The following COX10 variants were observed in gnomAD, a reference collection of about 807,000 sequenced individuals.
COX10 encodes cytochrome c oxidase assembly factor heme A:farnesyltransferase COX10.
In COX10, 27 loss-of-function variants were observed where a neutral mutation model predicts 37.3. The ratio of observed to expected loss-of-function variants is 0.72; its 90% CI spans 0.53 to 1.00. COX10 has a LOEUF of 1.00. Among genes scored for constraint, COX10 ranks in the 50% least tolerant of loss-of-function variants. COX10 has a pLI of 0.00. For synonymous variants in COX10, 222 were observed against 229.1 expected (o/e 0.97, Z 0.28); for missense variants, 475 against 563.2 (o/e 0.84, Z 1.59).
chr17:14,178,455 C>T (rs916041416), intron 5 of COX10, among the ~76,000 whole-genome samples: 1 of 138,020 alleles, frequency 7.2e-6, no homozygotes, highest in Admixed American at 7.5e-5. Context: ...TCTCCCGGCA[C>T]CTCTGCCAGC....
rs532204640 is a variant in COX10, at chr17:14,207,780, G to T, written c.*567G>T. ...TACCAATAGCTAGGACCCGGCTGCTGTGCACTGGGACTGGGGATTCCACAT... is the reference window on the plus strand; with the variant it reads ...TACCAATAGCTAGGACCCGGCTGCTTTGCACTGGGACTGGGGATTCCACAT... On this transcript the variant is annotated 3_prime_UTR_variant, in exon 7 of 7. Transcript: ENST00000261643. The T allele has an allele frequency of 6.5e-6, 1 of 152,844 alleles. No individual in the cohort carries two copies. Among genetic ancestry groups the T allele is most frequent in the South Asian group, 2.1e-4 (1 of 4,840 alleles). The allele number at this position is 152,844 out of a possible 1,614,324, so 9.5% of individuals were successfully genotyped here.
At chr17:14,123,906 T>C (rs1916278973) in intron 4 of COX10, among the ~76,000 whole-genome samples, 1 of 151,380 alleles carries the variant, frequency 6.6e-6, no homozygotes, top group African/African-American at 2.4e-5. Context: ...TGTTGAGACA[T>C]AGACATTTTT....
chr17:14,131,153 G>C (rs1028794550), intron 4 of COX10, among the ~76,000 whole-genome samples: 1 of 152,076 alleles, frequency 6.6e-6, no homozygotes, highest in African/African-American at 2.4e-5. Flanking sequence ...CATCATAAAA[G>C]GGCAGCTTAT....
chr17:14,163,938 G>C (rs1905223636), intron 5 of COX10, among the ~76,000 whole-genome samples: 1 of 151,990 alleles, frequency 6.6e-6, no homozygotes, highest in African/African-American at 2.4e-5. Flanking sequence ...CAATTCTGGA[G>C]GTGTAGATGG....
chr17:14,168,842 G>A (rs1905369040), intron 5 of COX10, among the ~76,000 whole-genome samples: 1 of 152,178 alleles, frequency 6.6e-6, no homozygotes, highest in African/African-American at 2.4e-5. Context: ...GTGATGGGAG[G>A]GGCTGCAGCA....
At chr17:14,143,597 C>CAGCTATTA in intron 4 of COX10, among the ~76,000 whole-genome samples, 2 of 152,232 alleles carry the variant, frequency 1.3e-5, no homozygotes, top group South Asian at 4.2e-4. Flanking sequence ...ATTATCTCCT[C>CAGCTATTA]TCTGACCAAA....
At chr17:14,083,017 G>T (rs546937741) in intron 3 of COX10, among the ~76,000 whole-genome samples, 283 of 152,276 alleles carry the variant, frequency 1.9e-3, no homozygotes, top group African/African-American at 6.1e-3. Flanking sequence ...CAGCGGAGCC[G>T]GTCACTACCA....
chr17:14,179,233 T>A, intron 5 of COX10: 2 of 983,582 alleles, frequency 2.0e-6, no homozygotes, highest in Non-Finnish European at 2.4e-6. Flanking sequence ...ACACCGTTCA[T>A]CTACCATCTC....
At chr17:14,196,891 G>C (rs1386428147) in intron 6 of COX10, among the ~76,000 whole-genome samples, 2 of 152,162 alleles carry the variant, frequency 1.3e-5, no homozygotes, top group Admixed American at 1.3e-4. Context: ...GTTAACACCA[G>C]TGACCCTCCA....
intron 6 of COX10, among the ~76,000 whole-genome samples, chr17:14,201,951 A>G (rs775945517): frequency 6.6e-6 from 1 of 152,228 alleles, no homozygotes; most frequent in Non-Finnish European, 1.5e-5. Flanking sequence ...AAAGAAGTCT[A>G]CTTGCATCAC....
intron 4 of COX10, among the ~76,000 whole-genome samples, chr17:14,109,812 C>T (rs1046943004): frequency 6.6e-6 from 1 of 152,098 alleles, no homozygotes; most frequent in Non-Finnish European, 1.5e-5. Context: ...ATGTATCTAC[C>T]TCTAACGACA....
chr17:14,089,575 A>T (rs1456054520), intron 3 of COX10, among the ~76,000 whole-genome samples: 1 of 152,212 alleles, frequency 6.6e-6, no homozygotes, highest in East Asian at 1.9e-4. Flanking sequence ...GTGAACGTTG[A>T]AGAAGTTGAA....
rs190411116 is a variant in COX10, at chr17:14,115,366, A to G, written c.624+13124A>G. On this transcript the variant is annotated intron_variant, in intron 4 of 6. Coordinates refer to ENST00000261643, the MANE Select transcript of COX10 (RefSeq NM_001303.4). Reference sequence around the variant, plus strand: ...TCACCAGTCAGAGTGGCTATTATTAAAAAGACAAGAAATAACAGATGTTGG... The same window carrying G: ...TCACCAGTCAGAGTGGCTATTATTAGAAAGACAAGAAATAACAGATGTTGG... 3.8e-3 allele frequency among the ~76,000 whole-genome samples: 582 copies of G among 152,282 alleles called. 1 individual carries two copies. Among genetic ancestry groups the G allele is most frequent in the South Asian group, 7.1e-3 (34 of 4,822 alleles).
intron 4 of COX10, among the ~76,000 whole-genome samples, chr17:14,105,068 A>T (rs1567592179): frequency 6.6e-6 from 1 of 152,190 alleles, no homozygotes; most frequent in East Asian, 1.9e-4. Context: ...GAATTAACAA[A>T]TTTAAAAAGA....
chr17:14,156,990 G>A (rs1343815452), intron 4 of COX10, among the ~76,000 whole-genome samples: 1 of 152,182 alleles, frequency 6.6e-6, no homozygotes, highest in Non-Finnish European at 1.5e-5. Context: ...CGGCTCTGCT[G>A]CTGTGTAAAA....
intron 4 of COX10, among the ~76,000 whole-genome samples, chr17:14,103,084 AATCT>A (rs1915821397): frequency 6.6e-6 from 1 of 152,176 alleles, no homozygotes; most frequent in African/African-American, 2.4e-5. Context: ...GAGAAGGATC[AATCT>A]ATTTCAAATA....
intron 3 of COX10, among the ~76,000 whole-genome samples, chr17:14,088,534 G>A (rs1451654051): frequency 6.6e-6 from 1 of 151,998 alleles, no homozygotes; most frequent in Non-Finnish European, 1.5e-5. Flanking sequence ...GATTTTAATT[G>A]AACTGATTGT....
chr17:14,168,083 A>C (rs1446385593), intron 5 of COX10, among the ~76,000 whole-genome samples: 2 of 152,268 alleles, frequency 1.3e-5, no homozygotes, highest in Non-Finnish European at 2.9e-5. Flanking sequence ...CCTACAAGAT[A>C]CAATGAGGGT....
intron 3 of COX10, among the ~76,000 whole-genome samples, chr17:14,092,549 T>C (rs1406248480): frequency 6.6e-6 from 1 of 152,106 alleles, no homozygotes; most frequent in Non-Finnish European, 1.5e-5. Flanking sequence ...TTAATATGGC[T>C]GAGAAAAAAA....
Sources: allele counts gnomAD v4.1 joint callset (sites outside exome capture counted in the v4.1 genomes callset), GRCh38; gene constraint gnomAD v4.1.1; transcripts MANE v1.5; gene names NCBI Gene and HGNC (gene_info 2026-07-23, HGNC 2026-07-21).